The following MSTO1 variants were observed in gnomAD, a reference collection of about 807,000 sequenced individuals.
MSTO1 encodes the protein protein misato homolog 1.
Under a neutral mutation model 55.7 loss-of-function variants are expected in MSTO1, and 24 were observed. The observed-to-expected ratio is 0.43, with a 90% CI of 0.31 to 0.61. The LOEUF (loss-of-function observed/expected upper bound fraction) is 0.61, where lower values mean the gene tolerates loss of function less well. Among genes scored for constraint, MSTO1 ranks in the 20% least tolerant of loss-of-function variants. The probability of loss-of-function intolerance (pLI) is 0.09; values close to 1 mark genes in which losing one functional copy is unlikely to be tolerated. For synonymous variants in MSTO1, 162 were observed against 252.8 expected (o/e 0.64, Z 3.41); for missense variants, 363 against 625.7 (o/e 0.58, Z 4.48).
At chr1:155,570,383 C>T in the MSTO1 span, among the ~76,000 whole-genome samples, 4 of 152,308 alleles carry the variant, frequency 2.6e-5, no homozygotes, top group African/African-American at 4.8e-5. Flanking sequence ...AACATAACCA[C>T]GCTGTACGTG....
chr1:155,601,039 C>G, the MSTO1 span, among the ~76,000 whole-genome samples: 1 of 141,222 alleles, frequency 7.1e-6, no homozygotes, highest in Non-Finnish European at 1.5e-5. Context: ...TGGCTGGTCT[C>G]AAGCTCCTGA....
At chr1:155,582,726 T>A in the MSTO1 span, among the ~76,000 whole-genome samples, 1 of 152,150 alleles carries the variant, frequency 6.6e-6, no homozygotes, top group Admixed American at 6.6e-5. Context: ...CCCAAAGTGC[T>A]GGTATTACAG....
the MSTO1 span, chr1:155,590,916 G>T: frequency 6.2e-7 from 1 of 1,613,178 alleles, no homozygotes. Flanking sequence ...TGAGCACCAG[G>T]CGGGCCTTGG....
chr1:155,611,334 C>T (rs1225428236), intron 4 of MSTO1, 43 bp downstream of exon 4: 8 of 1,613,770 alleles, frequency 5.0e-6, no homozygotes, highest in Non-Finnish European at 6.8e-6. Context: ...GTGCCACAAC[C>T]CGAGGGTCTC....
chr1:155,604,701 C>A, the MSTO1 span, among the ~76,000 whole-genome samples: 1 of 151,696 alleles, frequency 6.6e-6, no homozygotes, highest in Non-Finnish European at 1.5e-5. Context: ...CATGGTGAAA[C>A]CTCATCTCTA....
chr1:155,614,245 AC>A lies in MSTO1; in HGVS notation c.1687del (p.Gln563ArgfsTer18). Reference sequence around the variant, plus strand: ...GAGCTACAAAGCCTGGCCCAGTGCTACCAGGGTGGTGACAGCCTCGTGGACT... The same window carrying A: ...GAGCTACAAAGCCTGGCCCAGTGCTACAGGGTGGTGACAGCCTCGTGGACT... ...LQELQSLAQC[Y>X]QGGDSLVD On this transcript the variant is annotated frameshift_variant, in exon 14 of 14. Coordinates refer to ENST00000245564, the MANE Select transcript of MSTO1 (RefSeq NM_018116.4). LOFTEE classifies it high-confidence loss of function. 2.4e-6 allele frequency: 2 copies of A among 833,802 alleles called. No individual in the cohort carries two copies. The highest frequency in any genetic ancestry group is 3.7e-6 in the Non-Finnish European group (2 of 541,266). The allele number at this position is 833,802 out of a possible 1,614,324, so 51.7% of individuals were successfully genotyped here. A position where few individuals can be genotyped will look rare whatever the true frequency, so the allele number is the denominator to read the frequency against.
the MSTO1 span, among the ~76,000 whole-genome samples, chr1:155,574,869 T>C: frequency 1.3e-5 from 2 of 149,328 alleles, no homozygotes; most frequent in East Asian, 1.9e-4. Flanking sequence ...TAGAACTTTT[T>C]CTTTTTTTTT....
At chr1:155,583,492 C>T in the MSTO1 span, among the ~76,000 whole-genome samples, 1 of 151,858 alleles carries the variant, frequency 6.6e-6, no homozygotes, top group Non-Finnish European at 1.5e-5. Flanking sequence ...GAGCTATGAT[C>T]GCCACTGCAC....
At chr1:155,595,755 G>C in the MSTO1 span, among the ~76,000 whole-genome samples, 1 of 152,170 alleles carries the variant, frequency 6.6e-6, no homozygotes, top group Non-Finnish European at 1.5e-5. Context: ...GGGATTACAG[G>C]CATGGACCAC....
At chr1:155,591,021 A>T in the MSTO1 span, 1 of 1,613,908 alleles carries the variant, frequency 6.2e-7, no homozygotes. Flanking sequence ...CACAGACGGC[A>T]CGTGCAGCCT....
At position 155,613,683 on chromosome 1, in the gene MSTO1, G is replaced by A; in HGVS notation, c.1415G>A (p.Cys472Tyr). The A allele has an allele frequency of 6.2e-7, 1 of 1,604,946 alleles. No individual in the cohort carries two copies. The highest frequency in any genetic ancestry group is 8.5e-7 in the Non-Finnish European group (1 of 1,172,868). The change falls in exon 13 of 14, where the codon TGC becomes TAC. Residue 472 changes from cysteine (C) to tyrosine (Y), a missense_variant. Physicochemically the swap from Cys to Tyr is radical, Grantham distance 194. This residue lies in a region of MSTO1 where 38 missense variants were observed against 126.4 expected (regional missense o/e 0.30). Transcript: ENST00000245564. Reference protein sequence around the residue: ...MSSSHLLLTPCRVAPPYPHLF... With the variant: ...MSSSHLLLTPYRVAPPYPHLF... ...TCTTCCCATCTGCTGCTGACTCCCTGCAGGGTGGCTCCTCCTTACCCCCAC... is the reference window on the plus strand; with the variant it reads ...TCTTCCCATCTGCTGCTGACTCCCTACAGGGTGGCTCCTCCTTACCCCCAC...
the MSTO1 span, chr1:155,586,830 C>T: frequency 1.5e-5 from 4 of 271,836 alleles, no homozygotes; most frequent in Non-Finnish European, 1.5e-5. Context: ...TTGCTGCAAC[C>T]TCTGCCTTCC....
chr1:155,596,604 G>C, the MSTO1 span, among the ~76,000 whole-genome samples: 4 of 152,026 alleles, frequency 2.6e-5, no homozygotes, highest in Admixed American at 6.6e-5. Context: ...GGGCAACATA[G>C]AGAGTCCCCA....
upstream of MSTO1, among the ~76,000 whole-genome samples, chr1:155,610,048 G>A (rs951909820): frequency 2.0e-5 from 3 of 151,884 alleles, no homozygotes; most frequent in Admixed American, 6.5e-5. Flanking sequence ...CCCCTCACAG[G>A]CAACCACAGA....
the MSTO1 span, among the ~76,000 whole-genome samples, chr1:155,585,189 T>G: frequency 6.6e-6 from 1 of 152,168 alleles, no homozygotes; most frequent in Non-Finnish European, 1.5e-5. Context: ...GTTAAATGGG[T>G]GCAACTCTGT....
chr1:155,567,645 AG>A, the MSTO1 span, among the ~76,000 whole-genome samples: 5 of 150,936 alleles, frequency 3.3e-5, no homozygotes, highest in South Asian at 1.1e-3. Context: ...CATGTTGGCC[AG>A]GCTGGTCTTG....
At chr1:155,564,475 CAA>C in the MSTO1 span, among the ~76,000 whole-genome samples, 3 of 152,118 alleles carry the variant, frequency 2.0e-5, no homozygotes, top group South Asian at 2.1e-4. Flanking sequence ...GCCTGGGCAA[CAA>C]GAGCGAAACT....
chr1:155,597,729 C>T, the MSTO1 span, among the ~76,000 whole-genome samples: 252 of 151,142 alleles, frequency 1.7e-3, 2 homozygotes, highest in African/African-American at 5.8e-3. Flanking sequence ...AGGCTGGTCT[C>T]GAACTCCTGA....
the MSTO1 span, among the ~76,000 whole-genome samples, chr1:155,564,723 A>G: frequency 6.6e-6 from 1 of 152,214 alleles, no homozygotes; most frequent in Non-Finnish European, 1.5e-5. Context: ...TCATGCGTGC[A>G]AGTGTATTAT....
Sources: gnomAD v4.1 joint callset for allele counts (sites outside exome capture counted in the v4.1 genomes callset) on GRCh38, gnomAD v4.1.1 for gene constraint, gnomAD v4.1.1 regional missense constraint, MANE v1.5 for transcripts, NCBI Gene and HGNC (gene_info 2026-07-23, HGNC 2026-07-21) for gene names.